The following DOCK4 variants were observed in gnomAD, a reference collection of about 807,000 sequenced individuals.
DOCK4 encodes the protein dedicator of cytokinesis 4.
DOCK4 carries 97 observed loss-of-function variants against 268.1 expected under a neutral mutation model. The observed-to-expected ratio is 0.36, with a 90% CI of 0.31 to 0.43. The LOEUF (loss-of-function observed/expected upper bound fraction) is 0.43. Ranked by LOEUF, DOCK4 falls within the 20% of genes least tolerant of loss-of-function variation. The probability of loss-of-function intolerance (pLI) is 1.00; values close to 1 mark genes in which losing one functional copy is unlikely to be tolerated. For synonymous variants in DOCK4, 954 were observed against 887.2 expected (o/e 1.08, Z -1.34); for missense variants, 2,145 against 2,455.7 (o/e 0.87, Z 2.67).
Position 111,728,146 on chromosome 7 carries a change from C to CAA in DOCK4, c.*126_*127dup. 1.5e-6 allele frequency: 1 copy of CAA among 663,594 alleles called. No homozygotes were observed. The highest frequency in any genetic ancestry group is 2.2e-6 in the Non-Finnish European group (1 of 459,632). 41.1% of individuals were successfully genotyped at this position (663,594 alleles called of 1,614,324 possible). ...ATTGTGCAACATGATATTTAATAAG[C>CAA]AAGTTTTAATTCCATTCATCGAAGG... On this transcript the variant is annotated 3_prime_UTR_variant, in exon 53 of 53. Transcript: ENST00000428084.
chr7:111,789,797 G>T (rs1799408732), intron 31 of DOCK4, among the ~76,000 whole-genome samples: 1 of 152,138 alleles, frequency 6.6e-6, no homozygotes, highest in Non-Finnish European at 1.5e-5. Context: ...TGGGCACACA[G>T]GTTTGTGCCA....
intron 52 of DOCK4, among the ~76,000 whole-genome samples, chr7:111,731,409 G>C (rs1170981203): frequency 2.6e-5 from 4 of 152,180 alleles, no homozygotes; most frequent in Non-Finnish European, 5.9e-5. Context: ...AAAGGACATG[G>C]AGCGTGTAAA....
rs550065410 is a variant in DOCK4, at chr7:111,933,258, T to TTA, written c.1066+2280_1066+2281dup. On this transcript the variant is annotated intron_variant, in intron 12 of 52. Coordinates refer to ENST00000428084, the MANE Select transcript of DOCK4 (RefSeq NM_001363540.2). Reference sequence around the variant, plus strand: ...TATATACGTATATATACATATATACTTATATATATATACATATATACATAT... The same window carrying TTA: ...TATATACGTATATATACATATATACTTATATATATATATACATATATACATAT... 4.8e-4 allele frequency among the ~76,000 whole-genome samples: 61 copies of TTA among 126,710 alleles called. 2 individuals are homozygous for TTA. The highest frequency in any genetic ancestry group is 1.0e-3 in the African/African-American group (31 of 30,436). The allele number at this position is 126,710 out of a possible 152,430, so 83.1% of individuals were successfully genotyped here.
chr7:111,953,711 T>C (rs956309902), intron 8 of DOCK4: 1 of 152,268 alleles, frequency 6.6e-6, no homozygotes, highest in Non-Finnish European at 1.5e-5. Context: ...CTGGCCTTGC[T>C]TAGTTTCTGA....
chr7:112,167,421 C>T (rs1290274745), intron 1 of DOCK4, among the ~76,000 whole-genome samples: 2 of 151,922 alleles, frequency 1.3e-5, no homozygotes, highest in African/African-American at 4.8e-5. Context: ...AGTGGTCAGT[C>T]CCACCTTTAC....
chr7:112,162,540 C>T (rs7809666), intron 1 of DOCK4, among the ~76,000 whole-genome samples: 3,580 of 151,878 alleles, frequency 0.024, 115 homozygotes, highest in African/African-American at 0.068. Context: ...TCTCTCTCCC[C>T]CCTCTCCCTG....
rs114599788 is a variant in DOCK4, at chr7:112,049,297, A to G, written c.38-45166T>C. Among the ~76,000 whole-genome samples the G allele has an allele frequency of 2.6e-3, 395 of 152,308 alleles. 2 individuals carry two copies. The highest frequency in any genetic ancestry group is 9.0e-3 in the African/African-American group (373 of 41,572). ...TATATTATTGTAATCTTGTTATGCT[A>G]CATGTGAAATGGTGTAATATCACTT... On this transcript the variant is annotated intron_variant, in intron 1 of 52. Transcript: ENST00000428084.
chr7:112,073,412 GGATA>G (rs902369157), intron 1 of DOCK4, among the ~76,000 whole-genome samples: 26 of 151,750 alleles, frequency 1.7e-4, no homozygotes, highest in African/African-American at 5.8e-4. Flanking sequence ...ACACATGAAT[GGATA>G]AAGAAAATGT....
chr7:111,964,173 A>AT (rs1452777697), intron 8 of DOCK4, among the ~76,000 whole-genome samples: 20 of 144,456 alleles, frequency 1.4e-4, no homozygotes, highest in African/African-American at 5.5e-4. Flanking sequence ...AAAGGAAAGC[A>AT]GTTCCTCACC....
intron 1 of DOCK4, among the ~76,000 whole-genome samples, chr7:112,085,093 C>G (rs1808954438): frequency 6.6e-6 from 1 of 152,066 alleles, no homozygotes; most frequent in African/African-American, 2.4e-5. Context: ...ACATCAGAAA[C>G]TGCCACACAG....
At chr7:112,139,903 C>G (rs1212025425) in intron 1 of DOCK4, among the ~76,000 whole-genome samples, 1 of 152,120 alleles carries the variant, frequency 6.6e-6, no homozygotes. Flanking sequence ...AATCAAGGGA[C>G]TGTGAGGAGC....
intron 1 of DOCK4, among the ~76,000 whole-genome samples, chr7:112,123,994 G>T (rs190138252): frequency 2.0e-5 from 3 of 152,026 alleles, no homozygotes; most frequent in Admixed American, 1.3e-4. Flanking sequence ...TGAGGATAGG[G>T]TATTAGTTTT....
chr7:111,743,935 T>C (rs1324358489), intron 44 of DOCK4, among the ~76,000 whole-genome samples: 1 of 152,170 alleles, frequency 6.6e-6, no homozygotes, highest in Non-Finnish European at 1.5e-5. Context: ...TCCTCCCACC[T>C]CAGCCTCCCA....
At chr7:112,157,361 C>T (rs1816711765) in intron 1 of DOCK4, among the ~76,000 whole-genome samples, 1 of 152,074 alleles carries the variant, frequency 6.6e-6, no homozygotes, top group South Asian at 2.1e-4. Context: ...GGACATGGTA[C>T]ACTGCCGGCC....
At chr7:112,189,044 G>A (rs906750048) in intron 1 of DOCK4, among the ~76,000 whole-genome samples, 6 of 152,132 alleles carry the variant, frequency 3.9e-5, no homozygotes, top group Non-Finnish European at 8.8e-5. Context: ...ACAGATCACT[G>A]CCAACACAAT....
chr7:111,758,618 T>C lies in DOCK4; in HGVS notation c.4329+6A>G. ...GAGTTAGCATGTAATAAGAATTGCA[T>C]GGTACCTTGAATTCATTCTCTTTAT... On this transcript the variant is annotated splice_donor_region_variant and intron_variant, in intron 41 of 52. Coordinates refer to ENST00000428084, the MANE Select transcript of DOCK4 (RefSeq NM_001363540.2). 2 of 1,613,708 alleles carry C rather than the reference T, an allele frequency of 1.2e-6. No homozygotes were observed. The highest frequency in any genetic ancestry group is 1.7e-6 in the Non-Finnish European group (2 of 1,179,744).
At chr7:112,173,072 C>G (rs1340143061) in intron 1 of DOCK4, among the ~76,000 whole-genome samples, 1 of 152,170 alleles carries the variant, frequency 6.6e-6, no homozygotes, top group Non-Finnish European at 1.5e-5. Flanking sequence ...CCAAAGACAT[C>G]TGGCATGTCA....
Position 112,004,367 on chromosome 7 carries a change from C to T in DOCK4, c.38-236G>A, listed in dbSNP as rs200405045. Among the ~76,000 whole-genome samples the T allele has an allele frequency of 3.3e-5, 5 of 152,064 alleles. No individual in the cohort carries two copies. The East Asian group carries it at 9.6e-4, about 29-fold the overall frequency. On this transcript the variant is annotated intron_variant, in intron 1 of 52. Coordinates refer to ENST00000428084, the MANE Select transcript of DOCK4 (RefSeq NM_001363540.2). The stretch of plus-strand genomic sequence containing the variant: ...ATATATGAAATTTATTAAAATAATA[C>T]ACAATATATCAATGCTATCACTCAA...
chr7:112,169,240 T>C (rs1427628222), intron 1 of DOCK4, among the ~76,000 whole-genome samples: 4 of 152,202 alleles, frequency 2.6e-5, no homozygotes, highest in African/African-American at 9.6e-5. Context: ...CCAGCCATGC[T>C]TCTAGTACAG....
Sources: gnomAD v4.1 joint callset for allele counts (sites outside exome capture counted in the v4.1 genomes callset) on GRCh38, gnomAD v4.1.1 for gene constraint, MANE v1.5 for transcripts, NCBI Gene and HGNC (gene_info 2026-07-23, HGNC 2026-07-21) for gene names.